The following HS3ST2 variants were observed in gnomAD, a reference collection of about 807,000 sequenced individuals.
HS3ST2 encodes heparan sulfate glucosamine 3-O-sulfotransferase 2.
Under a neutral mutation model 26.3 loss-of-function variants are expected in HS3ST2, and 17 were observed. That is an observed-to-expected ratio of 0.65 (90% CI 0.44 to 0.97). The LOEUF (loss-of-function observed/expected upper bound fraction) is 0.97, where lower values mean the gene tolerates loss of function less well. HS3ST2 is among the 50% of genes least tolerant of loss of function. HS3ST2 has a pLI of 0.00. For missense variants in HS3ST2, 402 were observed against 501.2 expected (o/e 0.80, Z 1.89); for synonymous variants, 237 against 219.2 (o/e 1.08, Z -0.72).
At chr16:22,824,411 G>A (rs1161500719) in intron 1 of HS3ST2, among the ~76,000 whole-genome samples, 1 of 152,132 alleles carries the variant, frequency 6.6e-6, no homozygotes, top group Non-Finnish European at 1.5e-5. Flanking sequence ...GCCGGGCGTG[G>A]TGGCAGGCAC....
chr16:22,847,626 A>G (rs1901455878), intron 1 of HS3ST2, among the ~76,000 whole-genome samples: 1 of 152,102 alleles, frequency 6.6e-6, no homozygotes, highest in African/African-American at 2.4e-5. Context: ...GAAGAGAAGT[A>G]TGAGGATAAA....
chr16:22,844,004 A>G (rs1901396254), intron 1 of HS3ST2, among the ~76,000 whole-genome samples: 1 of 131,578 alleles, frequency 7.6e-6, no homozygotes, highest in African/African-American at 3.1e-5. Flanking sequence ...TGTGGATGAA[A>G]ACCTACACAC....
intron 1 of HS3ST2, among the ~76,000 whole-genome samples, chr16:22,888,200 G>A (rs1310934370): frequency 1.3e-5 from 2 of 152,116 alleles, no homozygotes; most frequent in East Asian, 1.9e-4. Context: ...CCTTGTCTCT[G>A]TGTCTGCTTT....
chr16:22,912,773 A>G (rs552126970), intron 1 of HS3ST2, among the ~76,000 whole-genome samples: 1 of 152,260 alleles, frequency 6.6e-6, no homozygotes, highest in South Asian at 2.1e-4. Context: ...CTTCCAAGTC[A>G]TCAGGTTGTT....
At chr16:22,876,185 T>C (rs12597026) in intron 1 of HS3ST2, among the ~76,000 whole-genome samples, 20,493 of 152,070 alleles carry the variant, frequency 0.13, 2,001 homozygotes, top group East Asian at 0.36. Context: ...ATGTCAGCTA[T>C]AGCAAACTAT....
intron 1 of HS3ST2, among the ~76,000 whole-genome samples, chr16:22,839,735 A>T (rs1901325733): frequency 6.6e-6 from 1 of 151,970 alleles, no homozygotes; most frequent in Non-Finnish European, 1.5e-5. Context: ...GACGCGTCTT[A>T]CCCTCGTTTT....
chr16:22,815,528 G>GC (rs1900851772), intron 1 of HS3ST2, among the ~76,000 whole-genome samples: 1 of 152,124 alleles, frequency 6.6e-6, no homozygotes, highest in Admixed American at 6.5e-5. Flanking sequence ...GAGACCCCTT[G>GC]CAGCAAGGCT....
chr16:22,862,411 G>T (rs1341119556), intron 1 of HS3ST2, among the ~76,000 whole-genome samples: 1 of 152,154 alleles, frequency 6.6e-6, no homozygotes, highest in Non-Finnish European at 1.5e-5. Flanking sequence ...AAACTAACCA[G>T]GCACCTGTTA....
chr16:22,821,114 T>G (rs906714518), intron 1 of HS3ST2, among the ~76,000 whole-genome samples: 1 of 152,108 alleles, frequency 6.6e-6, no homozygotes, highest in South Asian at 2.1e-4. Flanking sequence ...TATTTTTGAA[T>G]GTTACCCATG....
At chr16:22,849,378 A>G (rs1422622531) in intron 1 of HS3ST2, among the ~76,000 whole-genome samples, 1 of 152,224 alleles carries the variant, frequency 6.6e-6, no homozygotes, top group East Asian at 1.9e-4. Flanking sequence ...TGTCTGCAAT[A>G]CAGAAATGTT....
At chr16:22,891,762 T>C (rs1400130492) in intron 1 of HS3ST2, among the ~76,000 whole-genome samples, 2 of 152,218 alleles carry the variant, frequency 1.3e-5, no homozygotes, top group African/African-American at 4.8e-5. Flanking sequence ...AGACCCGATG[T>C]AATATGTTCT....
intron 1 of HS3ST2, among the ~76,000 whole-genome samples, chr16:22,857,860 C>A (rs79694066): frequency 6.6e-6 from 1 of 152,146 alleles, no homozygotes; most frequent in African/African-American, 2.4e-5. Context: ...ATACCCACAT[C>A]GGCTTCTGTT....
intron 1 of HS3ST2, among the ~76,000 whole-genome samples, chr16:22,898,069 GC>G (rs1478345200): frequency 1.3e-5 from 2 of 152,280 alleles, no homozygotes; most frequent in East Asian, 3.9e-4. Flanking sequence ...CTTGATTTAG[GC>G]TTTGATTCCT....
chr16:22,853,159 G>A (rs1901540798), intron 1 of HS3ST2, among the ~76,000 whole-genome samples: 1 of 152,148 alleles, frequency 6.6e-6, no homozygotes. Flanking sequence ...TCTGGGACAT[G>A]CTATCACCTC....
At chr16:22,834,975 G>A (rs530475443) in intron 1 of HS3ST2, among the ~76,000 whole-genome samples, 4 of 152,072 alleles carry the variant, frequency 2.6e-5, no homozygotes, top group Admixed American at 6.5e-5. Flanking sequence ...TTTTAAAAGA[G>A]GATGTTTAAT....
chr16:22,847,384 A>G (rs928096021), intron 1 of HS3ST2, among the ~76,000 whole-genome samples: 3 of 152,206 alleles, frequency 2.0e-5, no homozygotes, highest in African/African-American at 4.8e-5. Flanking sequence ...GATAGATCTT[A>G]AAAGCATAGT....
chr16:22,891,801 C>G (rs1488613952), intron 1 of HS3ST2, among the ~76,000 whole-genome samples: 1 of 152,186 alleles, frequency 6.6e-6, no homozygotes, highest in African/African-American at 2.4e-5. Context: ...TTCTATGCAT[C>G]TACACCTGAT....
rs1280446247 is a variant in HS3ST2, at chr16:22,914,989, G to A, written c.531G>A (p.Lys177=). The change falls in exon 2 of 2, where the codon AAG becomes AAA. Residue 177 remains lysine (K), a synonymous_variant. Coordinates refer to ENST00000261374, the MANE Select transcript of HS3ST2 (RefSeq NM_006043.2). ...TCGAGAGCCAGATCACGCTGGAGAA[G>A]ACGCCCAGCTACTTTGTCACTCAAG... The part of the protein sequence containing the change: ...RTLESQITLE[K]TPSYFVTQEA... 1.2e-6 allele frequency: 2 copies of A among 1,613,836 alleles called. No homozygotes were observed. Among genetic ancestry groups the A allele is most frequent in the South Asian group, 2.2e-5 (2 of 91,058 alleles).
Position 22,915,245 on chromosome 16 carries a change from T to A in HS3ST2, c.787T>A (p.Tyr263Asn). The part of the protein sequence containing the change: ...YVLHLESWLQ[Y>N]FPLAQIHFVS... ...GCTGCACCTGGAGAGCTGGCTGCAG[T>A]ACTTCCCGCTAGCTCAGATTCACTT... is the stretch of plus-strand genomic sequence containing the variant. Residue 263 changes from tyrosine (Y) to asparagine (N), a missense_variant, in exon 2 of 2, where the codon TAC becomes AAC. This residue lies in a region of HS3ST2 where 237 missense variants were observed against 346.6 expected (regional missense o/e 0.68). Coordinates refer to ENST00000261374, the MANE Select transcript of HS3ST2 (RefSeq NM_006043.2). The A allele has an allele frequency of 6.2e-7, 1 of 1,614,110 alleles. No individual in the cohort carries two copies. The highest frequency in any genetic ancestry group is 8.5e-7 in the Non-Finnish European group (1 of 1,180,030).
Sources: allele counts gnomAD v4.1 joint callset (sites outside exome capture counted in the v4.1 genomes callset), GRCh38; gene constraint gnomAD v4.1.1; regional missense constraint gnomAD v4.1.1; transcripts MANE v1.5; gene names NCBI Gene and HGNC (gene_info 2026-07-23, HGNC 2026-07-21).